Variants in FBXL17 observed in about 807,000 individuals in gnomAD.
The protein encoded by FBXL17 is F-box and leucine rich repeat protein 17.
Under a neutral mutation model 66.2 loss-of-function variants are expected in FBXL17, and 22 were observed. The ratio of observed to expected loss-of-function variants is 0.33; its 90% CI spans 0.24 to 0.47. The LOEUF is 0.47. FBXL17 is among the 20% of genes least tolerant of loss of function. FBXL17 has a pLI of 1.00. For synonymous variants in FBXL17, 474 were observed against 400.5 expected, an observed-to-expected ratio of 1.18 and a Z score of -2.19; for missense variants, 878 against 948.2, an observed-to-expected ratio of 0.93 and a Z score of 0.97.
intron 4 of FBXL17, among the ~76,000 whole-genome samples, chr5:108,266,350 A>C (rs769976676): frequency 2.6e-5 from 4 of 151,634 alleles, no homozygotes; most frequent in Admixed American, 6.6e-5. Flanking sequence ...TATCACTCTG[A>C]ATACCAAGTA....
intron 6 of FBXL17, among the ~76,000 whole-genome samples, chr5:108,165,504 A>G (rs894069881): frequency 3.3e-5 from 5 of 152,240 alleles, no homozygotes; most frequent in Admixed American, 6.5e-5. Flanking sequence ...ACCATGAAAG[A>G]AAACAAACGT....
At position 108,188,192 on chromosome 5, in the gene FBXL17, G is replaced by A. The variant is rs535375317; in HGVS notation, c.1615-1945C>T. The stretch of plus-strand genomic sequence containing the variant: ...CTCTTTCCACCTCAGCTCCCAATGG[G>A]AGAAGCTATACAGAGAGAGTTCATA... On this transcript the variant is annotated intron_variant, in intron 5 of 8. Transcript: ENST00000542267. Among the ~76,000 whole-genome samples the A allele has an allele frequency of 3.8e-4, 58 of 152,318 alleles. 1 individual carries two copies. The highest frequency in any genetic ancestry group is 1.3e-3 in the African/African-American group (56 of 41,572).
chr5:108,216,592 A>G (rs1754608360), intron 5 of FBXL17, among the ~76,000 whole-genome samples: 2 of 152,146 alleles, frequency 1.3e-5, no homozygotes, highest in Non-Finnish European at 2.9e-5. Context: ...TTTTGATATA[A>G]GTATACATTG....
In FBXL17 at chr5:107,861,567, T is replaced by A. The variant is rs1748122694; in HGVS notation, c.*153A>T. On this transcript the variant is annotated 3_prime_UTR_variant, in exon 9 of 9. Coordinates refer to ENST00000542267, the MANE Select transcript of FBXL17 (RefSeq NM_001163315.3). ...TGGGAACAAATGACAACTGCACTTT[T>A]GGTATGCAGTATGCAAACAAGACAC... The A allele has an allele frequency of 1.7e-6, 1 of 598,598 alleles. No homozygotes were observed. The highest frequency in any genetic ancestry group is 2.4e-6 in the Non-Finnish European group (1 of 409,144). The allele number at this position is 598,598 out of a possible 1,614,324, so 37.1% of individuals were successfully genotyped here. A position where few individuals can be genotyped will look rare whatever the true frequency, so the allele number is the denominator to read the frequency against.
chr5:108,381,837 C>A lies in FBXL17; in HGVS notation c.-146G>T. ...ACACACACGCACACACGGGCACACA[C>A]GCGACGGTGGGGGGTGGGCGTCAGC... On this transcript the variant is annotated 5_prime_UTR_variant, in exon 1 of 9. Coordinates refer to ENST00000542267, the MANE Select transcript of FBXL17 (RefSeq NM_001163315.3). 1 of 1,295,060 alleles carries A rather than the reference C, an allele frequency of 7.7e-7. No individual in the cohort carries two copies. Among genetic ancestry groups the A allele is most frequent in the East Asian group, 3.1e-5 (1 of 31,776 alleles). The allele number at this position is 1,295,060 out of a possible 1,614,324, so 80.2% of individuals were successfully genotyped here.
chr5:107,878,942 G>C, intron 8 of FBXL17: 3 of 985,490 alleles, frequency 3.0e-6, no homozygotes, highest in Non-Finnish European at 3.6e-6. Flanking sequence ...TCTCTGGTTA[G>C]AGAAAGGATT....
At chr5:108,108,988 G>A (rs906819659) in intron 6 of FBXL17, among the ~76,000 whole-genome samples, 1 of 151,896 alleles carries the variant, frequency 6.6e-6, no homozygotes, top group African/African-American at 2.4e-5. Context: ...TCTCCATGTT[G>A]GTCAGGCTGG....
At chr5:108,263,643 A>G (rs1474889535) in intron 4 of FBXL17, among the ~76,000 whole-genome samples, 2 of 152,236 alleles carry the variant, frequency 1.3e-5, no homozygotes, top group African/African-American at 4.8e-5. Flanking sequence ...TTTCCACATC[A>G]CATTATATTT....
intron 5 of FBXL17, among the ~76,000 whole-genome samples, chr5:108,187,656 G>T (rs748937923): frequency 2.0e-5 from 3 of 152,160 alleles, no homozygotes; most frequent in African/African-American, 7.2e-5. Context: ...GCTGCCAGCC[G>T]GGAAGAGATA....
At chr5:108,166,811 T>A (rs1031929037) in intron 6 of FBXL17, among the ~76,000 whole-genome samples, 2 of 152,200 alleles carry the variant, frequency 1.3e-5, no homozygotes, top group Non-Finnish European at 2.9e-5. Flanking sequence ...AGTCACTAGA[T>A]CATTTTCTCA....
At chr5:108,134,485 C>T (rs1179029174) in intron 6 of FBXL17, among the ~76,000 whole-genome samples, 1 of 152,072 alleles carries the variant, frequency 6.6e-6, no homozygotes, top group African/African-American at 2.4e-5. Context: ...GAAAAAGACA[C>T]ATAAAAATCC....
At chr5:108,294,777 A>C (rs546000398) in intron 4 of FBXL17, among the ~76,000 whole-genome samples, 1 of 152,134 alleles carries the variant, frequency 6.6e-6, no homozygotes, top group Non-Finnish European at 1.5e-5. Flanking sequence ...AAAAAACAAA[A>C]AAATACAAAT....
At chr5:108,044,988 G>T (rs958301612) in intron 6 of FBXL17, among the ~76,000 whole-genome samples, 2 of 151,966 alleles carry the variant, frequency 1.3e-5, no homozygotes, top group African/African-American at 2.4e-5. Context: ...GTAATATCTC[G>T]TTTCATTCCT....
intron 4 of FBXL17, among the ~76,000 whole-genome samples, chr5:108,266,176 A>C (rs1295794866): frequency 6.6e-6 from 1 of 152,138 alleles, no homozygotes; most frequent in Non-Finnish European, 1.5e-5. Flanking sequence ...GTAAGGAGTA[A>C]TTATTAGCAG....
At chr5:108,216,916 C>A (rs539662606) in intron 5 of FBXL17, among the ~76,000 whole-genome samples, 24 of 152,308 alleles carry the variant, frequency 1.6e-4, no homozygotes, top group African/African-American at 5.8e-4. Flanking sequence ...CAAGGCCAGG[C>A]ACAGAAATGC....
intron 4 of FBXL17, among the ~76,000 whole-genome samples, chr5:108,333,148 G>GTATATATATATATATA (rs145030445): frequency 2.6e-4 from 35 of 136,556 alleles, no homozygotes; most frequent in African/African-American, 1.0e-3. Context: ...AGAAATACCA[G>GTATATATATATATATA]TATATATATA....
At chr5:107,878,258 G>A (rs1748673217) in intron 8 of FBXL17, 2 of 958,922 alleles carry the variant, frequency 2.1e-6, no homozygotes, top group African/African-American at 1.8e-5. Flanking sequence ...CTTTTTAATT[G>A]TCTTTCAAAA....
intron 4 of FBXL17, among the ~76,000 whole-genome samples, chr5:108,303,423 T>C (rs1463923576): frequency 6.6e-6 from 1 of 150,728 alleles, no homozygotes. Context: ...ACACTACTTA[T>C]TCCCCTTTTT....
At chr5:108,149,243 A>C (rs1375111731) in intron 6 of FBXL17, among the ~76,000 whole-genome samples, 2 of 152,246 alleles carry the variant, frequency 1.3e-5, no homozygotes, top group African/African-American at 2.4e-5. Flanking sequence ...GTATCCTTCA[A>C]AGTAAACATT....
Sources: gnomAD v4.1 joint callset for allele counts (sites outside exome capture counted in the v4.1 genomes callset) on GRCh38, gnomAD v4.1.1 for gene constraint, MANE v1.5 for transcripts, NCBI Gene and HGNC (gene_info 2026-07-23, HGNC 2026-07-21) for gene names.